The following SNX25 variants were observed in gnomAD, a reference collection of about 807,000 sequenced individuals.
SNX25 encodes sorting nexin 25, also known as sorting nexin-25.
A neutral mutation model predicts 113.7 loss-of-function variants in SNX25; 62 were observed. The observed-to-expected ratio is 0.55, with a 90% CI of 0.44 to 0.67. The LOEUF is 0.67. Among genes scored for constraint, SNX25 ranks in the 30% least tolerant of loss-of-function variants. The probability of loss-of-function intolerance (pLI) is 0.00; values close to 1 mark genes in which losing one functional copy is unlikely to be tolerated. For synonymous variants in SNX25, 421 were observed against 436.2 expected, an observed-to-expected ratio of 0.97 and a Z score of 0.43; for missense variants, 1,014 against 1,161.0, an observed-to-expected ratio of 0.87 and a Z score of 1.84.
rs553594936 is a variant in SNX25 at position 185,358,399 on chromosome 4, T to G, written c.2651+662T>G. Among the ~76,000 whole-genome samples the G allele has an allele frequency of 1.7e-4, 26 of 152,368 alleles. No homozygotes were observed. The South Asian group carries it at 5.2e-3, about 30-fold the overall frequency. ...AGTGATCCACATTTTGATCATGCAT[T>G]TATGAAAGCCCTGGGTTTGTTATTG... On this transcript the variant is annotated intron_variant, in intron 16 of 18. Coordinates refer to ENST00000652585, the MANE Select transcript of SNX25 (RefSeq NM_001378034.2).
downstream of SNX25, chr4:185,364,186 G>A (rs770819380): frequency 4.6e-5 from 7 of 152,184 alleles, no homozygotes; most frequent in Non-Finnish European, 1.0e-4. Flanking sequence ...CTTGAAGTGA[G>A]GCATTAGGGA....
At chr4:185,315,152 T>C (rs3108293) in intron 7 of SNX25, among the ~76,000 whole-genome samples, 71,324 of 148,850 alleles carry the variant, frequency 0.48, 17,080 homozygotes, top group South Asian at 0.61. Flanking sequence ...GGCGTGAACC[T>C]GGGAGGCGGA....
At chr4:185,319,527 T>TTA (rs1554005972) in intron 7 of SNX25, among the ~76,000 whole-genome samples, 1 of 151,414 alleles carries the variant, frequency 6.6e-6, no homozygotes, top group African/African-American at 2.4e-5. Context: ...TTTTTTTTTT[T>TTA]ATCACTTTTC....
intron 5 of SNX25, among the ~76,000 whole-genome samples, chr4:185,283,029 G>A (rs1750858742): frequency 6.6e-6 from 1 of 152,158 alleles, no homozygotes; most frequent in Non-Finnish European, 1.5e-5. Context: ...TTTCCTCTCG[G>A]TATCCAGTAA....
intron 5 of SNX25, among the ~76,000 whole-genome samples, chr4:185,275,908 CA>C (rs1422709566): frequency 2.0e-5 from 3 of 151,882 alleles, no homozygotes; most frequent in Non-Finnish European, 4.4e-5. Flanking sequence ...AATTTAGTTC[CA>C]AAAAAACTCA....
downstream of SNX25, chr4:185,374,472 A>T (rs918905568): frequency 3.1e-6 from 5 of 1,605,276 alleles, no homozygotes; most frequent in African/African-American, 6.7e-5. Flanking sequence ...CTTCGACAAA[A>T]GAAAGAGCAA....
chr4:185,242,624 C>T (rs1167709323), intron 1 of SNX25, among the ~76,000 whole-genome samples: 7 of 152,162 alleles, frequency 4.6e-5, no homozygotes, highest in African/African-American at 1.4e-4. Context: ...TGGGCACCAC[C>T]CTCCAGGAAC....
At chr4:185,212,201 C>T (rs1737929614) in intron 1 of SNX25, among the ~76,000 whole-genome samples, 1 of 151,930 alleles carries the variant, frequency 6.6e-6, no homozygotes, top group Non-Finnish European at 1.5e-5. Flanking sequence ...TGGTCTTGAA[C>T]TCCTGAGCTC....
rs2095373411 is a variant in SNX25 at position 185,363,061 on chromosome 4, T to TC, written c.2935-323dup. Among the ~76,000 whole-genome samples the TC allele has an allele frequency of 6.6e-6, 1 of 152,156 alleles. No homozygotes were observed. The highest frequency in any genetic ancestry group is 1.5e-5 in the Non-Finnish European group (1 of 68,032). On this transcript the variant is annotated intron_variant, in intron 18 of 18. Transcript: ENST00000652585. The surrounding 1 kb of genome is among the most constrained non-coding windows in gnomAD (Gnocchi z 4.2). ...TTTCGCCATGTTGGCTGGGATGGTCTCTAACTCCTGACCTCAGGTGATCTG... is the reference window on the plus strand; with the variant it reads ...TTTCGCCATGTTGGCTGGGATGGTCTCCTAACTCCTGACCTCAGGTGATCTG...
chr4:185,220,943 A>C (rs1387981604), intron 1 of SNX25, among the ~76,000 whole-genome samples: 1 of 151,998 alleles, frequency 6.6e-6, no homozygotes, highest in Non-Finnish European at 1.5e-5. Flanking sequence ...GGCTCACCGC[A>C]GCATCAGCCT....
chr4:185,280,356 C>A (rs1445357103), intron 5 of SNX25, among the ~76,000 whole-genome samples: 1 of 152,036 alleles, frequency 6.6e-6, no homozygotes. Flanking sequence ...TTTAATTGTG[C>A]TGGAAAATAT....
chr4:185,371,422 G>A (rs886761059), downstream of SNX25, among the ~76,000 whole-genome samples: 23 of 151,522 alleles, frequency 1.5e-4, no homozygotes, highest in African/African-American at 5.1e-4. Context: ...GGTGCCTGTA[G>A]TCCCAGCTAC....
chr4:185,353,270 T>A lies in SNX25; in HGVS notation c.2467-215T>A, dbSNP rs180707351. The A allele has an allele frequency of 3.3e-3, 1,443 of 436,918 alleles. 16 individuals are homozygous for A. The highest frequency in any genetic ancestry group is 0.024 in the African/African-American group (1,240 of 51,706). 27.1% of individuals were successfully genotyped at this position (436,918 alleles called of 1,614,324 possible). On this transcript the variant is annotated intron_variant, in intron 14 of 18. Transcript: ENST00000652585. ...TATAATACAGCGACAGATTTTTTTT[T>A]AAATTAGCTTATTTTAAGCCTTGAA...
chr4:185,298,309 G>A (rs898649120), intron 6 of SNX25, among the ~76,000 whole-genome samples: 1 of 151,788 alleles, frequency 6.6e-6, no homozygotes, highest in Admixed American at 6.6e-5. Context: ...GGCTGGTCTC[G>A]AACTCCTAAC....
intron 2 of SNX25, among the ~76,000 whole-genome samples, chr4:185,249,776 T>G (rs1439148337): frequency 2.6e-5 from 4 of 152,184 alleles, no homozygotes; most frequent in Non-Finnish European, 5.9e-5. Flanking sequence ...GAATTTCCAT[T>G]TGGTTCTTTT....
chr4:185,369,921 C>T lies in SNX25; in HGVS notation c.*1176C>T, dbSNP rs375699943. 1.3e-5 allele frequency: 4 copies of T among 299,034 alleles called. No homozygotes were observed. In the Middle Eastern group the frequency reaches 1.2e-3, roughly 90 times the overall value. 18.5% of individuals were successfully genotyped at this position (299,034 alleles called of 1,614,324 possible). A position where few individuals can be genotyped will look rare whatever the true frequency, so the allele number is the denominator to read the frequency against. On this transcript the variant is annotated 3_prime_UTR_variant and NMD_transcript_variant, in exon 12 of 12. Coordinates refer to the SNX25 transcript ENST00000504959. ...AGCCAAGGGACTCAGAAGACTCCCC[C>T]ACTCAGGCTGAACAATCTGTGTTCC... is the stretch of plus-strand genomic sequence containing the variant.
chr4:185,237,215 G>A (rs932349912), intron 1 of SNX25, among the ~76,000 whole-genome samples: 2 of 152,046 alleles, frequency 1.3e-5, no homozygotes, highest in African/African-American at 2.4e-5. Flanking sequence ...TAACCTCTCA[G>A]TATCATGTTA....
chr4:185,280,858 C>T (rs987473013), intron 5 of SNX25, among the ~76,000 whole-genome samples: 5 of 152,162 alleles, frequency 3.3e-5, no homozygotes, highest in African/African-American at 9.7e-5. Context: ...CTTTGATTTA[C>T]GACCCAGATG....
At chr4:185,265,275 A>G (rs1401634640) in intron 4 of SNX25, among the ~76,000 whole-genome samples, 1 of 152,254 alleles carries the variant, frequency 6.6e-6, no homozygotes, top group Non-Finnish European at 1.5e-5. Flanking sequence ...TGCAAATATC[A>G]TAGAGTGTAC....
Sources: allele counts gnomAD v4.1 joint callset (sites outside exome capture counted in the v4.1 genomes callset), GRCh38; gene constraint gnomAD v4.1.1; non-coding constraint Gnocchi (gnomAD v3.1); transcripts MANE v1.5; gene names NCBI Gene and HGNC (gene_info 2026-07-23, HGNC 2026-07-21).